The following WDR43 variants were observed in gnomAD, a reference collection of about 807,000 sequenced individuals.
WDR43 encodes the protein WD repeat-containing protein 43.
Under a neutral mutation model 91.4 loss-of-function variants are expected in WDR43, and 13 were observed. The ratio of observed to expected loss-of-function variants is 0.14; its 90% CI spans 0.09 to 0.23. The LOEUF (loss-of-function observed/expected upper bound fraction) is 0.23, where lower values mean the gene tolerates loss of function less well. WDR43 is among the 10% of genes least tolerant of loss of function. WDR43 has a pLI of 1.00. For missense variants in WDR43, 780 were observed against 809.4 expected, an observed-to-expected ratio of 0.96 and a Z score of 0.44; for synonymous variants, 331 against 287.9, an observed-to-expected ratio of 1.15 and a Z score of -1.51.
intron 3 of WDR43, among the ~76,000 whole-genome samples, chr2:28,911,298 C>CTTT (rs11384391): frequency 1.4e-5 from 2 of 145,152 alleles, no homozygotes. Context: ...TTAATAACCT[C>CTTT]TTTTTTTTTT....
chr2:28,938,841 G>A (rs67612857), intron 14 of WDR43, among the ~76,000 whole-genome samples: 1 of 152,006 alleles, frequency 6.6e-6, no homozygotes, highest in Non-Finnish European at 1.5e-5. Flanking sequence ...GGGGTTGAGA[G>A]AAACAACAGA....
In WDR43 at chr2:28,947,835, A is replaced by G. The variant is rs1212058154; in HGVS notation, c.*1056A>G. 1 of 148,198 alleles carries G rather than the reference A, an allele frequency of 6.7e-6. No individual in the cohort carries two copies. Among genetic ancestry groups the G allele is most frequent in the African/African-American group, 2.5e-5 (1 of 40,400 alleles). The allele number at this position is 148,198 out of a possible 1,614,324, so 9.2% of individuals were successfully genotyped here. A position where few individuals can be genotyped will look rare whatever the true frequency, so the allele number is the denominator to read the frequency against. On this transcript the variant is annotated 3_prime_UTR_variant, in exon 18 of 18. Coordinates refer to ENST00000407426, the MANE Select transcript of WDR43 (RefSeq NM_015131.3). ...GTATGTATAAATATTTTGGTGTGCTACAAAAGCCTTTGCAAATTATCAGTA... is the reference window on the plus strand; with the variant it reads ...GTATGTATAAATATTTTGGTGTGCTGCAAAAGCCTTTGCAAATTATCAGTA...
At position 28,942,498 on chromosome 2, in the gene WDR43, T is replaced by G. The variant is rs1464476680; in HGVS notation, c.1804+117T>G. 2.7e-6 allele frequency: 3 copies of G among 1,119,776 alleles called. No individual in the cohort carries two copies. The Admixed American group carries it at 7.0e-5, about 26-fold the overall frequency. The allele number at this position is 1,119,776 out of a possible 1,614,324, so 69.4% of individuals were successfully genotyped here. On this transcript the variant is annotated intron_variant, in intron 16 of 17. Coordinates refer to ENST00000407426, the MANE Select transcript of WDR43 (RefSeq NM_015131.3). Reference sequence around the variant, plus strand: ...AGATCTTCCTTTGGCAAGCCTTCTCTAATTAAAATAGGCAAGTCCGTGGCA... The same window carrying G: ...AGATCTTCCTTTGGCAAGCCTTCTCGAATTAAAATAGGCAAGTCCGTGGCA...
At chr2:28,926,411 A>G in intron 8 of WDR43, 57 bp from the exon 9 acceptor site, 2 of 1,304,490 alleles carry the variant, frequency 1.5e-6, no homozygotes, top group Non-Finnish European at 2.1e-6. Flanking sequence ...GCTTTGTTTG[A>G]CACTCTTTTT....
chr2:28,930,776 C>T (rs1460303841), intron 11 of WDR43, among the ~76,000 whole-genome samples: 2 of 152,098 alleles, frequency 1.3e-5, no homozygotes, highest in Non-Finnish European at 2.9e-5. Context: ...CAGTTCAAAA[C>T]ATTTAGAATA....
At chr2:28,902,185 A>AT in intron 2 of WDR43, 61 bp downstream of exon 2, 2 of 1,482,256 alleles carry the variant, frequency 1.3e-6, no homozygotes, top group Non-Finnish European at 9.0e-7. Flanking sequence ...ATTAGAGATT[A>AT]TTAAAAAAAA....
chr2:28,936,936 A>G lies in WDR43; in HGVS notation c.1539A>G (p.Leu513=). The G allele has an allele frequency of 3.8e-6, 6 of 1,574,320 alleles. No individual in the cohort carries two copies. The highest frequency in any genetic ancestry group is 5.2e-6 in the Non-Finnish European group (6 of 1,158,660). ...IPLLQELTKR[L]QGHPNSAVLM... ...CTCTCCCTTAGCTTACAAAGAGGTT[A>G]CAAGGACATCCTAATAGGTAAGATT... Residue 513 remains leucine (L), a synonymous_variant, in exon 13 of 18, where the codon TTA becomes TTG. Transcript: ENST00000407426.
At chr2:28,922,510 G>A (rs1268093487) in intron 6 of WDR43, among the ~76,000 whole-genome samples, 4 of 152,154 alleles carry the variant, frequency 2.6e-5, no homozygotes, top group Admixed American at 2.6e-4. Context: ...GACAGCTTAG[G>A]CCACTTACAT....
rs1047471014 is a variant in WDR43 at position 28,947,630 on chromosome 2, G to T, written c.*851G>T. 6 of 151,814 alleles carry T rather than the reference G, an allele frequency of 4.0e-5. No individual in the cohort carries two copies. Among genetic ancestry groups the T allele is most frequent in the Middle Eastern group, 3.2e-3 (1 of 316 alleles). The allele number at this position is 151,814 out of a possible 1,614,324, so 9.4% of individuals were successfully genotyped here. On this transcript the variant is annotated 3_prime_UTR_variant, in exon 18 of 18. Transcript: ENST00000407426. ...ATTACTAATGGATCAAAGAACAATT[G>T]TTTATTTTTTCTCTTTGGTTTTAGA...
intron 4 of WDR43, chr2:28,913,656 A>G (rs1317037642): frequency 1.9e-6 from 1 of 521,012 alleles, no homozygotes; most frequent in Admixed American, 1.9e-5. Context: ...GGGCTTACGG[A>G]ATATTTGGTG....
At chr2:28,940,436 G>A (rs1671414714) in intron 14 of WDR43, among the ~76,000 whole-genome samples, 1 of 152,022 alleles carries the variant, frequency 6.6e-6, no homozygotes, top group African/African-American at 2.4e-5. Flanking sequence ...CTCCATGTTG[G>A]TCAGGCTGGT....
At chr2:28,902,590 T>C (rs1670597760) in intron 2 of WDR43, among the ~76,000 whole-genome samples, 1 of 152,254 alleles carries the variant, frequency 6.6e-6, no homozygotes, top group African/African-American at 2.4e-5. Context: ...GTGTCTCTGA[T>C]GGAGATGATG....
Position 28,947,877 on chromosome 2 carries a change from T to G in WDR43, c.*1098T>G, listed in dbSNP as rs892640164. 1.3e-5 allele frequency: 2 copies of G among 149,578 alleles called. No homozygotes were observed. The highest frequency in any genetic ancestry group is 4.9e-5 in the African/African-American group (2 of 40,952). The allele number at this position is 149,578 out of a possible 1,614,324, so 9.3% of individuals were successfully genotyped here. On this transcript the variant is annotated 3_prime_UTR_variant, in exon 18 of 18. Transcript: ENST00000407426. Reference sequence around the variant, plus strand: ...TTATCAGTAGTAGTTTTTTTTTTTTTTTTTTTTTTTTTAAAGAATGAGCCG... The same window carrying G: ...TTATCAGTAGTAGTTTTTTTTTTTTGTTTTTTTTTTTTAAAGAATGAGCCG...
At chr2:28,929,737 A>G in intron 11 of WDR43, 27 bp downstream of exon 11, 1 of 1,598,506 alleles carries the variant, frequency 6.3e-7, no homozygotes, top group Non-Finnish European at 8.6e-7. Context: ...TTTTAACTAA[A>G]TTAACATGGT....
At chr2:28,941,046 A>G (rs189766459) in intron 14 of WDR43, among the ~76,000 whole-genome samples, 74 of 152,326 alleles carry the variant, frequency 4.9e-4, no homozygotes, top group Non-Finnish European at 7.9e-4. Context: ...TTGGGGCCTT[A>G]CAGTAAGGGT....
intron 1 of WDR43, among the ~76,000 whole-genome samples, chr2:28,900,692 A>G (rs566908110): frequency 9.8e-5 from 15 of 152,358 alleles, no homozygotes; most frequent in Admixed American, 5.9e-4. Context: ...TGAGGTTTCA[A>G]TGTTTCAACA....
At chr2:28,937,263 A>G (rs957658824) in intron 13 of WDR43, among the ~76,000 whole-genome samples, 1 of 151,980 alleles carries the variant, frequency 6.6e-6, no homozygotes, top group Non-Finnish European at 1.5e-5. Context: ...GCTGCTTAAG[A>G]CTCTGTAAAA....
Position 28,918,001 on chromosome 2 carries a change from TG to T in WDR43, c.849+8del. On this transcript the variant is annotated splice_region_variant and intron_variant, in intron 6 of 17. Transcript: ENST00000407426. The stretch of plus-strand genomic sequence containing the variant: ...TGTCAGAAAACAAAGAAGAGGTAAA[TG>T]GCTCGATTTTTGAGAATTTGTTTTT... 1.3e-6 allele frequency: 2 copies of T among 1,556,070 alleles called. No individual in the cohort carries two copies. The highest frequency in any genetic ancestry group is 1.7e-6 in the Non-Finnish European group (2 of 1,150,428).
intron 12 of WDR43, 43 bp downstream of exon 12, chr2:28,935,650 G>A (rs979340740): frequency 5.9e-6 from 8 of 1,359,660 alleles, no homozygotes; most frequent in Non-Finnish European, 8.0e-6. Flanking sequence ...AATGCCATGA[G>A]TTAAATGGAA....
Sources: gnomAD v4.1 joint callset for allele counts (sites outside exome capture counted in the v4.1 genomes callset) on GRCh38, gnomAD v4.1.1 for gene constraint, MANE v1.5 for transcripts, NCBI Gene and HGNC (gene_info 2026-07-23, HGNC 2026-07-21) for gene names.